The following MROH1 variants were observed in gnomAD, a reference collection of about 807,000 sequenced individuals.
MROH1 encodes maestro heat-like repeat-containing protein family member 1.
Under a neutral mutation model 116.5 loss-of-function variants are expected in MROH1, and 117 were observed. That is an observed-to-expected ratio of 1.00 (90% CI 0.86 to 1.17). The LOEUF (loss-of-function observed/expected upper bound fraction) is 1.17, where lower values mean the gene tolerates loss of function less well. Ranked by LOEUF, MROH1 falls within the 50% of genes most tolerant of loss-of-function variation. The pLI is 0.00. For synonymous variants in MROH1, 921 were observed against 583.9 expected (o/e 1.58, Z -8.32); for missense variants, 1,873 against 1,338.5 (o/e 1.40, Z -6.23).
At chr8:144,217,553 C>T (rs926432242) in intron 12 of MROH1, among the ~76,000 whole-genome samples, 12 of 152,202 alleles carry the variant, frequency 7.9e-5, no homozygotes, top group African/African-American at 2.9e-4. Flanking sequence ...CCCTCCACGG[C>T]AGTCACTGAC....
intron 32 of MROH1, among the ~76,000 whole-genome samples, chr8:144,250,000 C>T (rs1842587565): frequency 6.6e-6 from 1 of 152,236 alleles, no homozygotes; most frequent in South Asian, 2.1e-4. Context: ...GGCCACTTTG[C>T]ACGCAGAATC....
chr8:144,177,107 T>C (rs189922420), intron 4 of MROH1, among the ~76,000 whole-genome samples: 15 of 152,352 alleles, frequency 9.8e-5, no homozygotes, highest in Admixed American at 8.5e-4. Flanking sequence ...GTGACCTACA[T>C]TGGCTATTTT....
chr8:144,218,699 CCT>C (rs1564502446), intron 12 of MROH1, among the ~76,000 whole-genome samples: 19 of 84,678 alleles, frequency 2.2e-4, no homozygotes, highest in Admixed American at 3.6e-4. Context: ...TCTCTCCTCC[CCT>C]CTCCCCTCCT....
At position 144,199,043 on chromosome 8, in the gene MROH1, A is replaced by G. The variant is rs1564455523; in HGVS notation, c.949-79A>G. 1.2e-5 allele frequency: 17 copies of G among 1,390,022 alleles called. No individual in the cohort carries two copies. In the South Asian group the frequency reaches 1.3e-4, roughly 11 times the overall value. 86.1% of individuals were successfully genotyped at this position (1,390,022 alleles called of 1,614,324 possible). ...CCCAGAGCCTTCTGCCCAGCTGCCCAGGCCCAGAATTGTCAGAGGGCGGGA... is the reference window on the plus strand; with the variant it reads ...CCCAGAGCCTTCTGCCCAGCTGCCCGGGCCCAGAATTGTCAGAGGGCGGGA... On this transcript the variant is annotated intron_variant, in intron 10 of 43. Coordinates refer to ENST00000326134, the MANE Select transcript of MROH1 (RefSeq NM_032450.3).
intron 32 of MROH1, 59 bp from the exon 33 acceptor site, chr8:144,250,153 G>A: frequency 2.7e-6 from 2 of 739,842 alleles, no homozygotes; most frequent in Non-Finnish European, 4.9e-6. Flanking sequence ...GGCTGGCGTA[G>A]GTGTGCCCAC....
intron 1 of MROH1, among the ~76,000 whole-genome samples, chr8:144,160,049 G>A (rs907565187): frequency 9.9e-5 from 15 of 152,128 alleles, no homozygotes; most frequent in Admixed American, 5.2e-4. Context: ...GATTACAGGC[G>A]TGAGCCACCG....
intron 14 of MROH1, among the ~76,000 whole-genome samples, chr8:144,224,454 C>T (rs1210619751): frequency 1.3e-5 from 2 of 151,712 alleles, no homozygotes; most frequent in African/African-American, 4.8e-5. Flanking sequence ...TTTGTAGAGA[C>T]GAGATCACAC....
At chr8:144,252,137 G>A (rs1201632135) in intron 33 of MROH1, 1 of 171,064 alleles carries the variant, frequency 5.8e-6, no homozygotes, top group Non-Finnish European at 1.3e-5. Flanking sequence ...ATTGTTTTTT[G>A]GTTTGGGGCT....
intron 14 of MROH1, among the ~76,000 whole-genome samples, chr8:144,234,497 CGTT>C (rs1839614825): frequency 9.7e-5 from 2 of 20,656 alleles, no homozygotes; most frequent in African/African-American, 3.1e-4. Context: ...CTTTCTTTTT[CGTT>C]TTTTTTTTTT....
chr8:144,233,805 T>TG (rs1839449083), intron 14 of MROH1, among the ~76,000 whole-genome samples: 1 of 152,256 alleles, frequency 6.6e-6, no homozygotes, highest in Non-Finnish European at 1.5e-5. Flanking sequence ...TGAACATTGT[T>TG]GCTTTGTAGC....
chr8:144,161,815 G>C (rs1169498449), intron 2 of MROH1, among the ~76,000 whole-genome samples: 1 of 152,182 alleles, frequency 6.6e-6, no homozygotes, highest in Non-Finnish European at 1.5e-5. Context: ...CTGGACGACG[G>C]AGCTGGGCAG....
chr8:144,179,458 G>T lies in MROH1; in HGVS notation c.172G>T (p.Ala58Ser). ...CCTGGACGGTGTCTCTCCGCAGCTGGCACACCCATACCGAGCAGCGGTCCT... is the reference window on the plus strand; with the variant it reads ...CCTGGACGGTGTCTCTCCGCAGCTGTCACACCCATACCGAGCAGCGGTCCT... ...EEYLRQHDKL[A>S]HPYRAAVLRA... Residue 58 changes from alanine (A) to serine (S), a missense_variant, in exon 5 of 44, where the codon GCA becomes TCA. By Grantham distance (99) the Ala-to-Ser change is moderately conservative. Transcript: ENST00000326134. 6.2e-7 allele frequency: 1 copy of T among 1,613,344 alleles called. No homozygotes were observed. Among genetic ancestry groups the T allele is most frequent in the Non-Finnish European group, 8.5e-7 (1 of 1,179,740 alleles).
At chr8:144,204,014 G>C (rs941761130) in intron 12 of MROH1, among the ~76,000 whole-genome samples, 3 of 152,128 alleles carry the variant, frequency 2.0e-5, no homozygotes, top group Non-Finnish European at 4.4e-5. Context: ...TGTACGCAAG[G>C]AAATATTTTA....
chr8:144,166,732 T>G (rs1428544177), intron 3 of MROH1, among the ~76,000 whole-genome samples: 4 of 151,766 alleles, frequency 2.6e-5, no homozygotes, highest in Non-Finnish European at 5.9e-5. Context: ...GCCAGGGCAC[T>G]GCAAAGCAGT....
intron 1 of MROH1, among the ~76,000 whole-genome samples, chr8:144,150,620 A>C (rs1274166997): frequency 6.6e-6 from 1 of 152,162 alleles, no homozygotes; most frequent in African/African-American, 2.4e-5. Flanking sequence ...ACTTTTTGCC[A>C]TGTAGCCTAC....
intron 21 of MROH1, 132 bp from the exon 22 acceptor site, chr8:144,241,263 C>T (rs1840930612): frequency 2.9e-6 from 2 of 690,514 alleles, no homozygotes; most frequent in African/African-American, 1.8e-5. Flanking sequence ...AGGGTGTGTG[C>T]ATGTGTTGAT....
At chr8:144,185,928 G>A (rs1827033355) in intron 7 of MROH1, among the ~76,000 whole-genome samples, 1 of 151,204 alleles carries the variant, frequency 6.6e-6, no homozygotes, top group South Asian at 2.1e-4. Context: ...GGCGACGTGG[G>A]GACCACAAGG....
chr8:144,254,707 G>A, intron 33 of MROH1, 106 bp from the exon 34 acceptor site: 1 of 637,550 alleles, frequency 1.6e-6, no homozygotes, highest in Non-Finnish European at 2.8e-6. Flanking sequence ...TGAGCCTGGT[G>A]GCTGTGTCTG....
intron 3 of MROH1, among the ~76,000 whole-genome samples, chr8:144,165,544 A>G (rs1199345491): frequency 2.0e-5 from 3 of 152,266 alleles, no homozygotes; most frequent in African/African-American, 7.2e-5. Flanking sequence ...CACTGGGACT[A>G]TAGCGTGAGC....
Sources: allele counts gnomAD v4.1 joint callset (sites outside exome capture counted in the v4.1 genomes callset), GRCh38; gene constraint gnomAD v4.1.1; transcripts MANE v1.5; gene names NCBI Gene and HGNC (gene_info 2026-07-23, HGNC 2026-07-21).